Variants in SNCG observed in about 807,000 individuals in gnomAD.
The protein encoded by SNCG is synuclein gamma, also known as gamma-synuclein.
A neutral mutation model predicts 16.0 loss-of-function variants in SNCG; 13 were observed. The observed-to-expected ratio is 0.81, with a 90% CI of 0.53 to 1.29. The LOEUF (loss-of-function observed/expected upper bound fraction) is 1.29, where lower values mean the gene tolerates loss of function less well. Among genes scored for constraint, SNCG ranks in the 50% most tolerant of loss-of-function variants. SNCG has a pLI of 0.00. For missense variants in SNCG, 154 were observed against 168.5 expected, an observed-to-expected ratio of 0.91 and a Z score of 0.48; for synonymous variants, 66 against 66.3, an observed-to-expected ratio of 1.00 and a Z score of 0.02.
rs1157463351 is a variant in SNCG at position 86,959,526 on chromosome 10, A to T, written c.122-107A>T. On this transcript the variant is annotated intron_variant, in intron 1 of 4. Coordinates refer to ENST00000372017, the MANE Select transcript of SNCG (RefSeq NM_003087.3). This position sits in a 1 kb window ranked among gnomAD's most constrained non-coding sequence, Gnocchi z 4.3. ...CCGCCGGCCCCCAGACACCATCCTT[A>T]CCCCCCCACCGACCCCACAGTTTGT... 2.4e-5 allele frequency: 21 copies of T among 859,064 alleles called. No homozygotes were observed. Among genetic ancestry groups the T allele is most frequent in the Non-Finnish European group, 3.4e-5 (18 of 525,964 alleles). The allele number at this position is 859,064 out of a possible 1,614,324, so 53.2% of individuals were successfully genotyped here. A position where few individuals can be genotyped will look rare whatever the true frequency, so the allele number is the denominator to read the frequency against.
At chr10:86,958,054 A>T, upstream of SNCG, 2 of 985,422 alleles carry the variant, frequency 2.0e-6, no homozygotes, top group South Asian at 9.4e-5. Context: ...CCAAGGCATG[A>T]GGAAGTCCTT....
chr10:86,957,090 C>T (rs1448503431), upstream of SNCG, among the ~76,000 whole-genome samples: 1 of 152,178 alleles, frequency 6.6e-6, no homozygotes, highest in Non-Finnish European at 1.5e-5. Flanking sequence ...AGCCACAGTC[C>T]CCCAGTGCCC....
Position 86,963,000 on chromosome 10 carries a change from G to A in SNCG, c.*15G>A. On this transcript the variant is annotated 3_prime_UTR_variant, in exon 5 of 5. Coordinates refer to ENST00000372017, the MANE Select transcript of SNCG (RefSeq NM_003087.3). Reference sequence around the variant, plus strand: ...GGGGAGACTAGAGGGCTACAGGCCAGCGTGGATGACCTGAAGAGCGCTCCT... The same window carrying A: ...GGGGAGACTAGAGGGCTACAGGCCAACGTGGATGACCTGAAGAGCGCTCCT... 6.2e-7 allele frequency: 1 copy of A among 1,601,352 alleles called. No individual in the cohort carries two copies. Among genetic ancestry groups the A allele is most frequent in the Non-Finnish European group, 8.5e-7 (1 of 1,174,766 alleles).
rs372862174 is a variant in SNCG at position 86,958,661 on chromosome 10, C to T, written c.-37C>T. 1.9e-5 allele frequency: 30 copies of T among 1,612,698 alleles called. No homozygotes were observed. The South Asian group carries it at 1.9e-4, about 10-fold the overall frequency. On this transcript the variant is annotated 5_prime_UTR_variant, in exon 1 of 5. Coordinates refer to ENST00000372017, the MANE Select transcript of SNCG (RefSeq NM_003087.3). ...CGCAGCTCGCAGGGAGATCCAGCTC[C>T]GTCCTGCCTGCAGCAGCACAACCCT...
Position 86,963,184 on chromosome 10 carries a change from G to T in SNCG, c.*199G>T. 1 of 458,704 alleles carries T rather than the reference G, an allele frequency of 2.2e-6. No individual in the cohort carries two copies. Among genetic ancestry groups the T allele is most frequent in the Non-Finnish European group, 3.8e-6 (1 of 262,044 alleles). The allele number at this position is 458,704 out of a possible 1,614,324, so 28.4% of individuals were successfully genotyped here. On this transcript the variant is annotated 3_prime_UTR_variant, in exon 5 of 5. Transcript: ENST00000372017. ...CCTCCCTCGGCCCCACCCACCCTCT[G>T]GTCCTTCTGACCCCACTTATGCTGC...
Position 86,962,974 on chromosome 10 carries a change from G to T in SNCG, c.373G>T (p.Gly125Trp), listed in dbSNP as rs374301169. ...TCATTCTCTCTCCCAGGCCCAGAGT[G>T]GGGGAGACTAGAGGGCTACAGGCCA... Reference protein sequence around the residue: ...KEEVAEEAQSGGD With the variant: ...KEEVAEEAQSWGD Residue 125 changes from glycine (G) to tryptophan (W), a missense_variant, in exon 5 of 5, where the codon GGG (glycine) becomes TGG (tryptophan). By Grantham distance (184) the Gly-to-Trp change is radical (BLOSUM62 -2). Coordinates refer to ENST00000372017, the MANE Select transcript of SNCG (RefSeq NM_003087.3). 3.6e-5 allele frequency: 58 copies of T among 1,603,684 alleles called. No individual in the cohort carries two copies. Among genetic ancestry groups the T allele is most frequent in the East Asian group, 1.3e-4 (6 of 44,562 alleles).
At chr10:86,957,580 G>A, upstream of SNCG, 1 of 1,558,756 alleles carries the variant, frequency 6.4e-7, no homozygotes, top group East Asian at 2.3e-5. Context: ...CTCAGCCTTG[G>A]CAAGTAGCTC....
intron 4 of SNCG, 50 bp downstream of exon 4, chr10:86,962,725 C>CCCCA (rs1844378213): frequency 1.4e-6 from 2 of 1,458,254 alleles, no homozygotes; most frequent in Admixed American, 3.7e-5. Flanking sequence ...TTGGTAGGGA[C>CCCCA]CCCATCCCCC....
At chr10:86,957,397 C>G (rs3750823), upstream of SNCG, 4 of 1,613,174 alleles carry the variant, frequency 2.5e-6, no homozygotes, top group South Asian at 4.4e-5. Flanking sequence ...GGGTCCTTGC[C>G]GGTGTCCTCA....
At chr10:86,962,697 T>C (rs182117033) in intron 4 of SNCG, 22 bp downstream of exon 4, 1 of 1,588,436 alleles carries the variant, frequency 6.3e-7, no homozygotes, top group East Asian at 2.2e-5. Flanking sequence ...GCTCCTGGGG[T>C]GCACCATGGG....
Position 86,959,458 on chromosome 10 carries a change from T to C in SNCG, c.122-175T>C. On this transcript the variant is annotated intron_variant, in intron 1 of 4. Transcript: ENST00000372017. The surrounding 1 kb of genome is among the most constrained non-coding windows in gnomAD (Gnocchi z 4.3). ...TTCTGTCCTGTCCCCTTCCCATCCA[T>C]CCACTTCTTCCAGACACAGCAGGAA... 1.6e-6 allele frequency: 1 copy of C among 641,330 alleles called. No homozygotes were observed. The highest frequency in any genetic ancestry group is 2.8e-6 in the Non-Finnish European group (1 of 356,534). The allele number at this position is 641,330 out of a possible 1,614,324, so 39.7% of individuals were successfully genotyped here.
chr10:86,960,298 G>C (rs963228845), intron 3 of SNCG, among the ~76,000 whole-genome samples, 170 bp downstream of exon 3: 5 of 152,160 alleles, frequency 3.3e-5, no homozygotes, highest in Non-Finnish European at 5.9e-5. Flanking sequence ...CATGCTTGCT[G>C]TTCGACCTGC....
At chr10:86,958,240 G>T (rs1844269657), upstream of SNCG, 4 of 969,310 alleles carry the variant, frequency 4.1e-6, no homozygotes, top group Non-Finnish European at 4.9e-6. Context: ...GGGGACAATG[G>T]CCAAGGCGCC....
At chr10:86,962,432 G>A (rs924982200) in intron 3 of SNCG, among the ~76,000 whole-genome samples, 172 bp from the exon 4 acceptor site, 3 of 152,076 alleles carry the variant, frequency 2.0e-5, no homozygotes, top group Admixed American at 6.5e-5. Flanking sequence ...TCAGAGCCCC[G>A]GGTATTGTCT....
chr10:86,956,113 G>C (rs1037151345), upstream of SNCG, among the ~76,000 whole-genome samples: 3 of 151,962 alleles, frequency 2.0e-5, no homozygotes, highest in African/African-American at 7.3e-5. Flanking sequence ...AAATCAGAGC[G>C]GAGTGGCTGG....
chr10:86,962,389 G>C lies in SNCG; in HGVS notation c.292-215G>C, dbSNP rs535277824. ...CTTGAGGGGTGAAGCTGGGCTCCAG[G>C]GTACTTGGTGCCCCTGGAAGGCCTC... On this transcript the variant is annotated intron_variant, in intron 3 of 4. Transcript: ENST00000372017. Among the ~76,000 whole-genome samples the C allele has an allele frequency of 5.1e-4, 77 of 152,080 alleles. 1 individual carries two copies. The highest frequency in any genetic ancestry group is 1.0e-3 in the Non-Finnish European group (69 of 67,996).
In SNCG at chr10:86,959,789, C is replaced by A; in HGVS notation, c.163+115C>A. On this transcript the variant is annotated intron_variant, in intron 2 of 4. Coordinates refer to ENST00000372017, the MANE Select transcript of SNCG (RefSeq NM_003087.3). This position sits in a 1 kb window ranked among gnomAD's most constrained non-coding sequence, Gnocchi z 4.3. ...CCTTACCCCCAACTGGGGTCCCAAG[C>A]CCTACAGACCCCTGCAGACCATGAG... 2 of 1,235,448 alleles carry A rather than the reference C, an allele frequency of 1.6e-6. No homozygotes were observed. Among genetic ancestry groups the A allele is most frequent in the Non-Finnish European group, 2.2e-6 (2 of 895,538 alleles). 76.5% of individuals were successfully genotyped at this position (1,235,448 alleles called of 1,614,324 possible). A position where few individuals can be genotyped will look rare whatever the true frequency, so the allele number is the denominator to read the frequency against.
At position 86,959,433 on chromosome 10, in the gene SNCG, T is replaced by G; in HGVS notation, c.122-200T>G. 1.5e-5 allele frequency: 9 copies of G among 604,256 alleles called. No individual in the cohort carries two copies. The highest frequency in any genetic ancestry group is 5.7e-5 in the East Asian group (2 of 35,214). The allele number at this position is 604,256 out of a possible 1,614,324, so 37.4% of individuals were successfully genotyped here. On this transcript the variant is annotated intron_variant, in intron 1 of 4. Coordinates refer to ENST00000372017, the MANE Select transcript of SNCG (RefSeq NM_003087.3). The surrounding 1 kb of genome is among the most constrained non-coding windows in gnomAD (Gnocchi z 4.3). ...GGCCTGCTCTCTCTTGTCCCCCACA[T>G]TCTGTCCTGTCCCCTTCCCATCCAT...
chr10:86,959,486 G>A lies in SNCG; in HGVS notation c.122-147G>A, dbSNP rs752046279. The A allele has an allele frequency of 1.0e-4, 69 of 679,944 alleles. No individual in the cohort carries two copies. Among genetic ancestry groups the A allele is most frequent in the Non-Finnish European group, 1.6e-4 (59 of 375,250 alleles). 42.1% of individuals were successfully genotyped at this position (679,944 alleles called of 1,614,324 possible). A position where few individuals can be genotyped will look rare whatever the true frequency, so the allele number is the denominator to read the frequency against. The stretch of plus-strand genomic sequence containing the variant: ...ACTTCTTCCAGACACAGCAGGAAGA[G>A]GCCCTCTGAAGGGGCCGCCGGCCCC... On this transcript the variant is annotated intron_variant, in intron 1 of 4. Transcript: ENST00000372017. This position sits in a 1 kb window ranked among gnomAD's most constrained non-coding sequence, Gnocchi z 4.3.
Sources: allele counts gnomAD v4.1 joint callset (sites outside exome capture counted in the v4.1 genomes callset), GRCh38; gene constraint gnomAD v4.1.1; non-coding constraint Gnocchi (gnomAD v3.1); transcripts MANE v1.5; gene names NCBI Gene and HGNC (gene_info 2026-07-23, HGNC 2026-07-21).